PIEZO2: variants seen among roughly 807,000 people sequenced by gnomAD.
PIEZO2 encodes the protein piezo type mechanosensitive ion channel component 2.
PIEZO2 carries 172 observed loss-of-function variants against 337.3 expected under a neutral mutation model. The ratio of observed to expected loss-of-function variants is 0.51; its 90% CI spans 0.45 to 0.58. The LOEUF (loss-of-function observed/expected upper bound fraction) is 0.58. Ranked by LOEUF, PIEZO2 falls within the 20% of genes least tolerant of loss-of-function variation. PIEZO2 has a pLI of 0.00. For missense variants in PIEZO2, 3,028 were observed against 3,391.3 expected (o/e 0.89, Z 2.66); for synonymous variants, 1,251 against 1,228.5 (o/e 1.02, Z -0.38).
At chr18:11,072,531 T>C (rs1420267351) in intron 1 of PIEZO2, among the ~76,000 whole-genome samples, 2 of 152,270 alleles carry the variant, frequency 1.3e-5, no homozygotes, top group East Asian at 3.8e-4. Flanking sequence ...GCATAGTGCA[T>C]GTAACTATTC....
At chr18:10,683,131 G>A (rs1309234747) in intron 49 of PIEZO2, among the ~76,000 whole-genome samples, 2 of 152,230 alleles carry the variant, frequency 1.3e-5, no homozygotes, top group Non-Finnish European at 2.9e-5. Context: ...AGAACATGGG[G>A]TCAACCCCAC....
rs1438073011 is a variant in PIEZO2, at chr18:10,795,373, T to C, written c.1528-371A>G. On this transcript the variant is annotated intron_variant, in intron 12 of 55. Transcript: ENST00000674853. This position sits in a 1 kb window ranked among gnomAD's most constrained non-coding sequence, Gnocchi z 4.4. ...TTTATTATTTTATTTTATTTTATTTTATTTTATTTTATTTTATTTTATTTT... is the reference window on the plus strand; with the variant it reads ...TTTATTATTTTATTTTATTTTATTTCATTTTATTTTATTTTATTTTATTTT... Among the ~76,000 whole-genome samples the C allele has an allele frequency of 0.021, 932 of 43,712 alleles. 48 individuals are homozygous for C. The highest frequency in any genetic ancestry group is 0.062 in the African/African-American group (896 of 14,436). 28.7% of individuals were successfully genotyped at this position (43,712 alleles called of 152,430 possible). A position where few individuals can be genotyped will look rare whatever the true frequency, so the allele number is the denominator to read the frequency against.
chr18:10,763,189 A>G (rs951195934), intron 21 of PIEZO2, 91 bp from the exon 22 acceptor site: 2 of 1,364,494 alleles, frequency 1.5e-6, no homozygotes, highest in Admixed American at 2.2e-5. Context: ...TGATTTACTC[A>G]GTTCGGCAAA....
intron 45 of PIEZO2, 93 bp from the exon 46 acceptor site, chr18:10,696,632 G>A (rs2035101733): frequency 7.0e-7 from 1 of 1,420,486 alleles, no homozygotes; most frequent in Non-Finnish European, 9.7e-7. Flanking sequence ...CCACTCCTCT[G>A]CATTCCTCTT....
intron 3 of PIEZO2, among the ~76,000 whole-genome samples, chr18:10,927,162 T>G (rs2031793490): frequency 6.6e-6 from 1 of 152,226 alleles, no homozygotes; most frequent in African/African-American, 2.4e-5. Context: ...GGCAGCCACT[T>G]TTCCATGTTA....
intron 11 of PIEZO2, among the ~76,000 whole-genome samples, chr18:10,799,998 A>G (rs1414803121): frequency 3.3e-5 from 5 of 150,316 alleles, no homozygotes; most frequent in Non-Finnish European, 7.4e-5. Context: ...AAATTCATAT[A>G]TTAACCAGGA....
chr18:10,721,071 A>T (rs2036290709), intron 36 of PIEZO2, among the ~76,000 whole-genome samples: 1 of 152,144 alleles, frequency 6.6e-6, no homozygotes, highest in Non-Finnish European at 1.5e-5. Context: ...ATCATTAGGA[A>T]TTTTTTCCCT....
rs572573730 is a variant in PIEZO2, at chr18:10,784,594, A to G, written c.2492+190T>C. Among the ~76,000 whole-genome samples the G allele has an allele frequency of 1.3e-5, 2 of 152,336 alleles. No homozygotes were observed. Among genetic ancestry groups the G allele is most frequent in the South Asian group, 4.1e-4 (2 of 4,828 alleles). On this transcript the variant is annotated intron_variant, in intron 17 of 55. Transcript: ENST00000674853. This position sits in a 1 kb window ranked among gnomAD's most constrained non-coding sequence, Gnocchi z 4.5. ...TTACATTAACCAGTCATAAGTCACT[A>G]CCCATTGTTTCAGAACGTGTCACAG...
intron 3 of PIEZO2, among the ~76,000 whole-genome samples, chr18:10,971,238 T>C (rs976812628): frequency 3.9e-5 from 6 of 152,202 alleles, no homozygotes; most frequent in Admixed American, 3.9e-4. Flanking sequence ...TGGATTAGAC[T>C]ACCTATGTGT....
At chr18:10,900,178 T>TACAC (rs56708718) in intron 4 of PIEZO2, among the ~76,000 whole-genome samples, 9,484 of 148,420 alleles carry the variant, frequency 0.064, 283 homozygotes, top group Non-Finnish European at 0.071. Flanking sequence ...TTACTTTTGT[T>TACAC]ACACACACAC....
chr18:10,772,794 C>G (rs1207421066), intron 20 of PIEZO2, among the ~76,000 whole-genome samples: 2 of 152,092 alleles, frequency 1.3e-5, no homozygotes, highest in African/African-American at 4.8e-5. Flanking sequence ...GTTCATCATG[C>G]TCTATTAAAA....
rs1471007040 is a variant in PIEZO2 at position 10,929,845 on chromosome 18, A to T, written c.287-18617T>A. ...ACAAAAATAAAATTCTAAGGCCCCC[A>T]AGAGACTGAATGGACTGCCCCTCAG... On this transcript the variant is annotated intron_variant, in intron 3 of 55. Transcript: ENST00000674853. This position sits in a 1 kb window ranked among gnomAD's most constrained non-coding sequence, Gnocchi z 5.6. Among the ~76,000 whole-genome samples the T allele has an allele frequency of 6.6e-6, 1 of 152,162 alleles. No individual in the cohort carries two copies. Among genetic ancestry groups the T allele is most frequent in the African/African-American group, 2.4e-5 (1 of 41,442 alleles).
rs376038650 is a variant in PIEZO2 at position 10,877,536 on chromosome 18, C to T, written c.330-6121G>A. ...CCTATAGTCCTAATTTTGGAAAACA[C>T]GGCTGTCATCAACCTAGTGACCAAA... is the stretch of plus-strand genomic sequence containing the variant. On this transcript the variant is annotated intron_variant, in intron 4 of 55. Transcript: ENST00000674853. The surrounding 1 kb of genome is among the most constrained non-coding windows in gnomAD (Gnocchi z 5.3). Among the ~76,000 whole-genome samples, 228 of 152,228 alleles carry T rather than the reference C, an allele frequency of 1.5e-3. 1 individual carries two copies. In the South Asian group the frequency reaches 0.021, roughly 14 times the overall value.
intron 7 of PIEZO2, among the ~76,000 whole-genome samples, chr18:10,845,405 T>A (rs1490070920): frequency 6.6e-6 from 1 of 152,124 alleles, no homozygotes; most frequent in African/African-American, 2.4e-5. Context: ...TTGGATTAGA[T>A]TTTACTAAAT....
At chr18:10,919,609 C>T (rs145116404) in intron 3 of PIEZO2, among the ~76,000 whole-genome samples, 68 of 152,264 alleles carry the variant, frequency 4.5e-4, no homozygotes, top group African/African-American at 1.6e-3. Flanking sequence ...CATGCTTCAA[C>T]ACTCTCATCT....
chr18:10,770,395 G>A, intron 20 of PIEZO2, 87 bp from the exon 21 acceptor site: 1 of 1,312,894 alleles, frequency 7.6e-7, no homozygotes, highest in South Asian at 1.6e-5. Context: ...AGGTTGGAAT[G>A]AGAGGCTGCA....
intron 5 of PIEZO2, among the ~76,000 whole-genome samples, chr18:10,864,896 A>T (rs960223230): frequency 6.6e-6 from 1 of 152,196 alleles, no homozygotes; most frequent in Non-Finnish European, 1.5e-5. Flanking sequence ...GCACAGCCCC[A>T]GGAGGACAAG....
intron 3 of PIEZO2, among the ~76,000 whole-genome samples, chr18:10,927,708 T>A (rs930941743): frequency 6.6e-6 from 1 of 152,162 alleles, no homozygotes; most frequent in African/African-American, 2.4e-5. Flanking sequence ...GTACCTAAAA[T>A]GAAAGGTAAA....
chr18:10,960,640 C>T lies in PIEZO2; in HGVS notation c.286+18895G>A, dbSNP rs1288115039. Among the ~76,000 whole-genome samples the T allele has an allele frequency of 2.0e-5, 3 of 150,396 alleles. No homozygotes were observed. In the East Asian group the frequency reaches 5.8e-4, roughly 29 times the overall value. ...ATTAACTGTGTGTTTGAGGTTTTTT[C>T]CTGAGCTGATTACTCAGACTAAAAA... On this transcript the variant is annotated intron_variant, in intron 3 of 55. Transcript: ENST00000674853.
Sources: allele counts gnomAD v4.1 joint callset (sites outside exome capture counted in the v4.1 genomes callset), GRCh38; gene constraint gnomAD v4.1.1; non-coding constraint Gnocchi (gnomAD v3.1); transcripts MANE v1.5; gene names NCBI Gene and HGNC (gene_info 2026-07-23, HGNC 2026-07-21).